The following DENND2B variants were observed in gnomAD, a reference collection of about 807,000 sequenced individuals.
DENND2B encodes DENN domain-containing protein 2B.
Under a neutral mutation model 116.0 loss-of-function variants are expected in DENND2B, and 32 were observed. The ratio of observed to expected loss-of-function variants is 0.28; its 90% CI spans 0.21 to 0.37. The LOEUF (loss-of-function observed/expected upper bound fraction) is 0.37. Among genes scored for constraint, DENND2B ranks in the 10% least tolerant of loss-of-function variants. The pLI, the probability that DENND2B is intolerant of heterozygous loss-of-function variation, is 1.00. For synonymous variants in DENND2B, 588 were observed against 583.9 expected, an observed-to-expected ratio of 1.01 and a Z score of -0.10; for missense variants, 1,276 against 1,477.7, an observed-to-expected ratio of 0.86 and a Z score of 2.24.
chr11:8,714,554 G>T, intron 7 of DENND2B, 56 bp downstream of exon 7: 2 of 1,465,766 alleles, frequency 1.4e-6, no homozygotes, highest in Non-Finnish European at 1.9e-6. Flanking sequence ...TGCCTCTCCC[G>T]TTCCTAATGC....
intron 1 of DENND2B, among the ~76,000 whole-genome samples, chr11:8,802,990 A>G (rs1352365974): frequency 6.6e-6 from 1 of 152,234 alleles, no homozygotes; most frequent in Non-Finnish European, 1.5e-5. Context: ...CACCAACTAT[A>G]TATGTTAGCC....
intron 2 of DENND2B, among the ~76,000 whole-genome samples, chr11:8,733,589 T>C (rs1213581114): frequency 6.6e-6 from 1 of 152,186 alleles, no homozygotes; most frequent in Non-Finnish European, 1.5e-5. Context: ...TATACATGCC[T>C]CACCTGCTCA....
Position 8,888,731 on chromosome 11 carries a change from A to G in DENND2B, c.-255-7622T>C, listed in dbSNP as rs967465772. Among the ~76,000 whole-genome samples, 28 of 152,334 alleles carry G rather than the reference A, an allele frequency of 1.8e-4. No individual in the cohort carries two copies. The East Asian group carries it at 5.0e-3, about 27-fold the overall frequency. ...AACTCCTAAAACTCGACAACAAAAA[A>G]CAACATAATTCGAAAATGGGCAGAG... is the stretch of plus-strand genomic sequence containing the variant. On this transcript the variant is annotated intron_variant, in intron 1 of 22. Coordinates refer to the DENND2B transcript ENST00000534127.
chr11:8,717,526 A>C (rs1342728084), intron 5 of DENND2B, among the ~76,000 whole-genome samples: 1 of 152,192 alleles, frequency 6.6e-6, no homozygotes, highest in Non-Finnish European at 1.5e-5. Context: ...AGAGGTTTCA[A>C]CATGGTGGAC....
chr11:8,701,418 AAC>A (rs1230510855), intron 14 of DENND2B, among the ~76,000 whole-genome samples: 4 of 149,154 alleles, frequency 2.7e-5, no homozygotes, highest in Non-Finnish European at 4.4e-5. Context: ...ATGCAAATCA[AAC>A]ACCGCCTCCT....
intron 1 of DENND2B, among the ~76,000 whole-genome samples, chr11:8,760,135 C>T (rs1167932067): frequency 6.6e-6 from 1 of 152,188 alleles, no homozygotes; most frequent in Non-Finnish European, 1.5e-5. Flanking sequence ...GACAGATCGA[C>T]GACTTGCCTG....
chr11:8,910,708 T>TCGTGTGTG (rs2064309848), intron 1 of DENND2B: 1 of 42,932 alleles, frequency 2.3e-5, no homozygotes, highest in Non-Finnish European at 5.2e-5. Flanking sequence ...CACTCCTGGC[T>TCGTGTGTG]AGTGTGTGTG....
chr11:8,719,866 C>A (rs1422705298), intron 4 of DENND2B, among the ~76,000 whole-genome samples: 2 of 152,192 alleles, frequency 1.3e-5, no homozygotes, highest in East Asian at 3.8e-4. Flanking sequence ...TCAGCCAGGG[C>A]CTTTATTGTC....
upstream of DENND2B, among the ~76,000 whole-genome samples, chr11:8,813,992 A>G (rs1402402124): frequency 6.6e-6 from 1 of 152,174 alleles, no homozygotes; most frequent in East Asian, 1.9e-4. Context: ...AGGATTTGAC[A>G]ACCTTATATA....
chr11:8,724,930 C>T (rs2046833897), intron 4 of DENND2B, among the ~76,000 whole-genome samples: 1 of 152,232 alleles, frequency 6.6e-6, no homozygotes, highest in South Asian at 2.1e-4. Context: ...GGGACATGGA[C>T]CTGCAGTGTG....
intron 6 of DENND2B, 172 bp from the exon 7 acceptor site, chr11:8,714,878 G>T: frequency 1.7e-6 from 1 of 592,682 alleles, no homozygotes; most frequent in Non-Finnish European, 3.0e-6. Flanking sequence ...TGACTCACCA[G>T]CCATGCATGG....
chr11:8,890,014 C>T (rs1326913825), intron 1 of DENND2B, among the ~76,000 whole-genome samples: 1 of 152,212 alleles, frequency 6.6e-6, no homozygotes, highest in African/African-American at 2.4e-5. Flanking sequence ...ACTGACACCT[C>T]ACACGGCTGG....
intron 2 of DENND2B, among the ~76,000 whole-genome samples, chr11:8,866,411 G>A (rs1418849450): frequency 6.6e-6 from 1 of 152,122 alleles, no homozygotes; most frequent in Non-Finnish European, 1.5e-5. Flanking sequence ...ATTTAAATAA[G>A]GGCATTGCCA....
chr11:8,818,016 C>T (rs1463133986), intron 4 of DENND2B, among the ~76,000 whole-genome samples: 1 of 151,390 alleles, frequency 6.6e-6, no homozygotes, highest in Non-Finnish European at 1.5e-5. Context: ...AATCCCAGCA[C>T]TTTGGGAGGC....
At chr11:8,832,106 C>T (rs11042094) in intron 4 of DENND2B, among the ~76,000 whole-genome samples, 2 of 152,148 alleles carry the variant, frequency 1.3e-5, no homozygotes, top group Non-Finnish European at 2.9e-5. Flanking sequence ...CCCTCACCCC[C>T]GCCTTCCAGA....
chr11:8,909,779 G>C (rs184307703), intron 1 of DENND2B: 3 of 152,346 alleles, frequency 2.0e-5, no homozygotes, highest in Admixed American at 2.0e-4. Context: ...CAAGCCATCT[G>C]TTGAGACTAG....
At chr11:8,870,352 C>T (rs902958558) in intron 2 of DENND2B, among the ~76,000 whole-genome samples, 3 of 152,194 alleles carry the variant, frequency 2.0e-5, no homozygotes, top group African/African-American at 4.8e-5. Context: ...TAAACGTTGA[C>T]TAGAGTGTGG....
chr11:8,717,619 C>G, intron 5 of DENND2B, 122 bp downstream of exon 5: 1 of 1,253,536 alleles, frequency 8.0e-7, no homozygotes, highest in Non-Finnish European at 1.1e-6. Context: ...TGGCCGTAGA[C>G]CCTTTATCAA....
chr11:8,805,784 C>T (rs139743730), intron 1 of DENND2B, among the ~76,000 whole-genome samples: 2 of 152,310 alleles, frequency 1.3e-5, no homozygotes, highest in African/African-American at 4.8e-5. Context: ...TCTATTATAA[C>T]ATGACATAGA....
Sources: gnomAD v4.1 joint callset for allele counts (sites outside exome capture counted in the v4.1 genomes callset) on GRCh38, gnomAD v4.1.1 for gene constraint, MANE v1.5 for transcripts, NCBI Gene and HGNC (gene_info 2026-07-23, HGNC 2026-07-21) for gene names.